Variants in DROSHA observed in about 807,000 individuals in gnomAD.
The protein encoded by DROSHA is ribonuclease 3.
DROSHA carries 56 observed loss-of-function variants against 181.9 expected under a neutral mutation model. That is an observed-to-expected ratio of 0.31 (90% CI 0.25 to 0.38). The LOEUF (loss-of-function observed/expected upper bound fraction) is 0.38, where lower values mean the gene tolerates loss of function less well. Ranked by LOEUF, DROSHA falls within the 10% of genes least tolerant of loss-of-function variation. The probability of loss-of-function intolerance (pLI) is 1.00; values close to 1 mark genes in which losing one functional copy is unlikely to be tolerated. For synonymous variants in DROSHA, 524 were observed against 591.2 expected, an observed-to-expected ratio of 0.89 and a Z score of 1.65; for missense variants, 1,218 against 1,743.5, an observed-to-expected ratio of 0.70 and a Z score of 5.37.
In DROSHA at chr5:31,409,990, G is replaced by T. The variant is rs1469865250; in HGVS notation, c.3668-658C>A. ...TTGAGCTAAAAAAAAAAAAAAGAAT[G>T]ATCTCTCTGTTTAATTTTTATGTGA... On this transcript the variant is annotated intron_variant, in intron 31 of 35. Transcript: ENST00000344624. The surrounding 1 kb of genome is among the most constrained non-coding windows in gnomAD (Gnocchi z 4.0). Among the ~76,000 whole-genome samples, 2 of 150,584 alleles carry T rather than the reference G, an allele frequency of 1.3e-5. No homozygotes were observed. Among genetic ancestry groups the T allele is most frequent in the African/African-American group, 2.4e-5 (1 of 40,964 alleles).
intron 13 of DROSHA, 192 bp from the exon 14 acceptor site, chr5:31,486,754 G>A: frequency 4.0e-6 from 2 of 506,142 alleles, no homozygotes; most frequent in East Asian, 6.5e-5. Context: ...CAGCTGGCCT[G>A]GCCTCGCCAA....
chr5:31,475,153 CA>C (rs903507510), intron 16 of DROSHA, among the ~76,000 whole-genome samples: 4 of 151,724 alleles, frequency 2.6e-5, no homozygotes, highest in Admixed American at 2.0e-4. Flanking sequence ...CCCCTCTCTA[CA>C]AAAAAATACA....
rs144270243 is a variant in DROSHA, at chr5:31,464,642, T to G, written c.2467-299A>C. On this transcript the variant is annotated intron_variant, in intron 19 of 35. Transcript: ENST00000344624. Reference sequence around the variant, plus strand: ...TTTCATTGATAAAGGAAGCAAAATGTGGTTTGGGATTTGAAATGAGCATGT... The same window carrying G: ...TTTCATTGATAAAGGAAGCAAAATGGGGTTTGGGATTTGAAATGAGCATGT... Among the ~76,000 whole-genome samples, 203 of 151,012 alleles carry G rather than the reference T, an allele frequency of 1.3e-3. 2 individuals carry two copies. The East Asian group carries it at 0.032, about 24-fold the overall frequency.
At chr5:31,403,109 T>C (rs1483440908) in intron 35 of DROSHA, among the ~76,000 whole-genome samples, 1 of 152,226 alleles carries the variant, frequency 6.6e-6, no homozygotes, top group Non-Finnish European at 1.5e-5. Flanking sequence ...ACATGACATC[T>C]GTATTTTGGA....
At chr5:31,490,472 A>C (rs1446816641) in intron 13 of DROSHA, among the ~76,000 whole-genome samples, 1 of 152,206 alleles carries the variant, frequency 6.6e-6, no homozygotes, top group African/African-American at 2.4e-5. Flanking sequence ...GCACCTGGCA[A>C]ATACACATAT....
At chr5:31,443,964 C>T (rs955483289) in intron 23 of DROSHA, among the ~76,000 whole-genome samples, 1 of 152,288 alleles carries the variant, frequency 6.6e-6, no homozygotes, top group African/African-American at 2.4e-5. Flanking sequence ...CCTTCAAAAT[C>T]TTACAGTCCA....
At chr5:31,476,687 T>C (rs935567397) in intron 16 of DROSHA, among the ~76,000 whole-genome samples, 28 of 152,300 alleles carry the variant, frequency 1.8e-4, no homozygotes, top group Non-Finnish European at 3.5e-4. Flanking sequence ...GGATTGAGAC[T>C]CTGCTCCCTG....
At chr5:31,493,690 A>G (rs1379808496) in intron 12 of DROSHA, among the ~76,000 whole-genome samples, 1 of 152,170 alleles carries the variant, frequency 6.6e-6, no homozygotes, top group African/African-American at 2.4e-5. Flanking sequence ...AAGACTCAGC[A>G]TCATAAAGTG....
chr5:31,468,386 G>C (rs1209546468), intron 17 of DROSHA, among the ~76,000 whole-genome samples: 2 of 152,122 alleles, frequency 1.3e-5, no homozygotes, highest in Non-Finnish European at 2.9e-5. Flanking sequence ...GAAGGCACAG[G>C]GGAAGGATTC....
At chr5:31,473,436 A>G in intron 16 of DROSHA, among the ~76,000 whole-genome samples, 1 of 152,236 alleles carries the variant, frequency 6.6e-6, no homozygotes, top group East Asian at 1.9e-4. Context: ...ATATGTAGGC[A>G]TGCATTCACT....
At chr5:31,451,707 C>T in intron 20 of DROSHA, 67 bp from the exon 21 acceptor site, 1 of 1,315,722 alleles carries the variant, frequency 7.6e-7, no homozygotes, top group Non-Finnish European at 1.1e-6. Flanking sequence ...ATTTATTTTA[C>T]AACAAGCCAG....
chr5:31,418,586 G>A (rs1183579389), intron 30 of DROSHA, among the ~76,000 whole-genome samples: 1 of 152,142 alleles, frequency 6.6e-6, no homozygotes, highest in Non-Finnish European at 1.5e-5. Flanking sequence ...CGTATCAATA[G>A]TTATGCAGAA....
chr5:31,424,392 A>C, intron 28 of DROSHA, 35 bp downstream of exon 28: 1 of 1,586,586 alleles, frequency 6.3e-7, no homozygotes, highest in Non-Finnish European at 8.6e-7. Flanking sequence ...AGCTGGAGTT[A>C]TAAAGCTCAC....
chr5:31,415,657 A>G (rs1741857659), intron 30 of DROSHA, among the ~76,000 whole-genome samples: 1 of 152,220 alleles, frequency 6.6e-6, no homozygotes, highest in Non-Finnish European at 1.5e-5. Flanking sequence ...CTGTAGGTTC[A>G]TCACCGCTAT....
intron 23 of DROSHA, among the ~76,000 whole-genome samples, chr5:31,444,415 A>C (rs1370072365): frequency 6.6e-6 from 1 of 152,230 alleles, no homozygotes; most frequent in East Asian, 1.9e-4. Flanking sequence ...TATCATTTTC[A>C]AAATGGTAAA....
intron 28 of DROSHA, among the ~76,000 whole-genome samples, chr5:31,423,970 A>G (rs1743118814): frequency 1.3e-5 from 2 of 152,226 alleles, no homozygotes; most frequent in African/African-American, 4.8e-5. Flanking sequence ...CTCTGAATTG[A>G]AGCTTTCAAT....
At chr5:31,437,138 A>G in intron 24 of DROSHA, 101 bp downstream of exon 24, 1 of 1,243,984 alleles carries the variant, frequency 8.0e-7, no homozygotes, top group South Asian at 1.4e-5. Flanking sequence ...ACGGTGTATC[A>G]ATGCCTTATT....
intron 10 of DROSHA, among the ~76,000 whole-genome samples, chr5:31,506,628 A>T (rs1416945780): frequency 6.6e-6 from 1 of 150,942 alleles, no homozygotes; most frequent in African/African-American, 2.4e-5. Context: ...CAGTGAGCTG[A>T]GATTACACCA....
At chr5:31,416,747 A>G (rs2149992229) in intron 30 of DROSHA, among the ~76,000 whole-genome samples, 1 of 152,336 alleles carries the variant, frequency 6.6e-6, no homozygotes, top group Non-Finnish European at 1.5e-5. Flanking sequence ...AGAGGTGCAG[A>G]GTGAGAACAA....
Sources: allele counts gnomAD v4.1 joint callset (sites outside exome capture counted in the v4.1 genomes callset), GRCh38; gene constraint gnomAD v4.1.1; non-coding constraint Gnocchi (gnomAD v3.1); transcripts MANE v1.5; gene names NCBI Gene and HGNC (gene_info 2026-07-23, HGNC 2026-07-21).